Variants in STX7 observed in about 807,000 individuals in gnomAD.
STX7 encodes syntaxin 7.
STX7 carries 34 observed loss-of-function variants against 39.6 expected under a neutral mutation model. That is an observed-to-expected ratio of 0.86 (90% CI 0.65 to 1.14). STX7 has a LOEUF of 1.14. Ranked by LOEUF, STX7 falls within the 50% of genes most tolerant of loss-of-function variation. The pLI, the probability that STX7 is intolerant of heterozygous loss-of-function variation, is 0.00. For missense variants in STX7, 284 were observed against 310.4 expected (o/e 0.92, Z 0.64); for synonymous variants, 119 against 99.1 (o/e 1.20, Z -1.19).
At chr6:132,506,017 G>A (rs546420010) in intron 1 of STX7, among the ~76,000 whole-genome samples, 1 of 152,076 alleles carries the variant, frequency 6.6e-6, no homozygotes, top group Non-Finnish European at 1.5e-5. Flanking sequence ...TCAATACATG[G>A]TGCTGGGAAA....
rs547746274 is a variant in STX7, at chr6:132,481,279, T to C, written c.86-5617A>G. On this transcript the variant is annotated intron_variant, in intron 2 of 9. Transcript: ENST00000367941. ...AAAACTACTATTAGATTGGGATCTT[T>C]TTGGTTATAATATGACCACTGAGAA... Among the ~76,000 whole-genome samples the C allele has an allele frequency of 4.6e-5, 7 of 152,290 alleles. No homozygotes were observed. In the South Asian group the frequency reaches 1.5e-3, roughly 32 times the overall value.
intron 9 of STX7, among the ~76,000 whole-genome samples, chr6:132,462,409 T>C (rs1305378402): frequency 6.6e-6 from 1 of 152,190 alleles, no homozygotes; most frequent in Non-Finnish European, 1.5e-5. Context: ...TGCTTTTTCC[T>C]GTAGGCTTGG....
At chr6:132,494,651 A>C (rs901463993) in intron 2 of STX7, among the ~76,000 whole-genome samples, 2 of 152,186 alleles carry the variant, frequency 1.3e-5, no homozygotes. Context: ...AAGAAGATCT[A>C]CCTGGTGGAA....
chr6:132,487,870 T>C (rs934769344), intron 2 of STX7, among the ~76,000 whole-genome samples: 7 of 152,200 alleles, frequency 4.6e-5, no homozygotes, highest in African/African-American at 1.7e-4. Flanking sequence ...GAAATAGCTT[T>C]TGGTTTCATT....
At position 132,456,063 on chromosome 6, in the gene STX7, T is replaced by C. The variant is rs1774235542; in HGVS notation, c.*4695A>G. On this transcript the variant is annotated 3_prime_UTR_variant, in exon 10 of 10. Transcript: ENST00000367941. ...TGCCCTCTATTTGGGGCAGTAATTCTATACATATCCTGTAAATGTCTGTCC... is the reference window on the plus strand; with the variant it reads ...TGCCCTCTATTTGGGGCAGTAATTCCATACATATCCTGTAAATGTCTGTCC... 1 of 152,196 alleles carries C rather than the reference T, an allele frequency of 6.6e-6. No homozygotes were observed. Among genetic ancestry groups the C allele is most frequent in the African/African-American group, 2.4e-5 (1 of 41,442 alleles). The allele number at this position is 152,196 out of a possible 1,614,324, so 9.4% of individuals were successfully genotyped here.
intron 1 of STX7, among the ~76,000 whole-genome samples, 195 bp downstream of exon 1, chr6:132,512,812 C>G (rs1053827101): frequency 1.3e-5 from 2 of 152,162 alleles, no homozygotes; most frequent in African/African-American, 4.8e-5. Context: ...TTGCACCCGG[C>G]CGGGGGGCGT....
At chr6:132,500,943 C>T (rs1013136327) in intron 2 of STX7, among the ~76,000 whole-genome samples, 4 of 152,120 alleles carry the variant, frequency 2.6e-5, no homozygotes, top group Non-Finnish European at 5.9e-5. Context: ...CTGTAGCTTC[C>T]GTACATTTGT....
At chr6:132,474,401 C>G (rs1196121528) in intron 3 of STX7, among the ~76,000 whole-genome samples, 1 of 151,942 alleles carries the variant, frequency 6.6e-6, no homozygotes, top group East Asian at 1.9e-4. Flanking sequence ...TTTTACCATT[C>G]TGACACTTAC....
chr6:132,485,721 TC>T (rs1363050593), intron 2 of STX7, among the ~76,000 whole-genome samples: 1 of 152,222 alleles, frequency 6.6e-6, no homozygotes, highest in African/African-American at 2.4e-5. Flanking sequence ...AATAGTGGTA[TC>T]CGTGCTTTTA....
At chr6:132,501,108 G>A (rs1292877023) in intron 2 of STX7, among the ~76,000 whole-genome samples, 1 of 150,742 alleles carries the variant, frequency 6.6e-6, no homozygotes, top group Non-Finnish European at 1.5e-5. Context: ...TGCCCAGGCT[G>A]GAGTTCAATG....
At chr6:132,506,452 C>T (rs900875823) in intron 1 of STX7, among the ~76,000 whole-genome samples, 1 of 152,062 alleles carries the variant, frequency 6.6e-6, no homozygotes, top group Non-Finnish European at 1.5e-5. Flanking sequence ...CATGAATAGA[C>T]ATTTTTCAAA....
At position 132,469,820 on chromosome 6, in the gene STX7, CAG is replaced by C. The variant is rs1774666309; in HGVS notation, c.537+129_537+130del. The C allele has an allele frequency of 1.6e-5, 10 of 633,528 alleles. No individual in the cohort carries two copies. In the South Asian group the frequency reaches 2.0e-4, roughly 13 times the overall value. The allele number at this position is 633,528 out of a possible 1,614,324, so 39.2% of individuals were successfully genotyped here. ...CACCACCGCACTCCAGCCTGGGTGA[CAG>C]AGGGAGACTGTCTCAAAAAGAAAAC... On this transcript the variant is annotated intron_variant, in intron 7 of 9. Coordinates refer to ENST00000367941, the MANE Select transcript of STX7 (RefSeq NM_003569.3).
intron 9 of STX7, chr6:132,461,951 A>G (rs1774417903): frequency 1.7e-6 from 2 of 1,203,116 alleles, no homozygotes; most frequent in African/African-American, 1.5e-5. Context: ...GTCTGAAATT[A>G]CACTGAAAAC....
Position 132,452,676 on chromosome 6 carries a change from T to G in STX7, c.*8082A>C, listed in dbSNP as rs755439396. ...GCTTAGGTATAAATCTAACAAAACA[T>G]GTACAGACCTTGTATGCTGAAAACC... On this transcript the variant is annotated 3_prime_UTR_variant, in exon 10 of 10. Transcript: ENST00000367941. 1 of 152,120 alleles carries G rather than the reference T, an allele frequency of 6.6e-6. No individual in the cohort carries two copies. The highest frequency in any genetic ancestry group is 2.4e-5 in the African/African-American group (1 of 41,428). 9.4% of individuals were successfully genotyped at this position (152,120 alleles called of 1,614,324 possible).
At chr6:132,486,737 G>C (rs1224843221) in intron 2 of STX7, among the ~76,000 whole-genome samples, 2 of 146,122 alleles carry the variant, frequency 1.4e-5, no homozygotes, top group Non-Finnish European at 3.0e-5. Context: ...CGTGACCTCA[G>C]CTTACTGGAA....
rs1401790699 is a variant in STX7, at chr6:132,458,662, A to AT, written c.*2095dup. 2.0e-5 allele frequency: 3 copies of AT among 152,170 alleles called. No homozygotes were observed. Among genetic ancestry groups the AT allele is most frequent in the Non-Finnish European group, 2.9e-5 (2 of 68,030 alleles). 9.4% of individuals were successfully genotyped at this position (152,170 alleles called of 1,614,324 possible). A position where few individuals can be genotyped will look rare whatever the true frequency, so the allele number is the denominator to read the frequency against. On this transcript the variant is annotated 3_prime_UTR_variant, in exon 10 of 10. Transcript: ENST00000367941. ...AAACTGACCTACAGAAAAGTTCAAG[A>AT]TTTTTTAAAAAATTTGGCTACCATA...
intron 1 of STX7, among the ~76,000 whole-genome samples, chr6:132,508,929 T>C (rs1407012467): frequency 6.6e-6 from 1 of 152,228 alleles, no homozygotes; most frequent in Non-Finnish European, 1.5e-5. Context: ...TCCTAAGCAT[T>C]GTGCTTATGA....
At chr6:132,463,582 A>C (rs1362105698) in intron 9 of STX7, among the ~76,000 whole-genome samples, 1 of 152,212 alleles carries the variant, frequency 6.6e-6, no homozygotes, top group African/African-American at 2.4e-5. Context: ...TAGGACAAGG[A>C]AATTTGCCTC....
At chr6:132,499,844 T>G (rs1775510046) in intron 2 of STX7, among the ~76,000 whole-genome samples, 1 of 152,240 alleles carries the variant, frequency 6.6e-6, no homozygotes, top group African/African-American at 2.4e-5. Context: ...GATATCTAAA[T>G]GATATCTCAA....
Sources: allele counts gnomAD v4.1 joint callset (sites outside exome capture counted in the v4.1 genomes callset), GRCh38; gene constraint gnomAD v4.1.1; transcripts MANE v1.5; gene names NCBI Gene and HGNC (gene_info 2026-07-23, HGNC 2026-07-21).